TENM2: variants seen among roughly 807,000 people sequenced by gnomAD.
TENM2 encodes the protein teneurin transmembrane protein 2, also known as teneurin-2.
In TENM2, 52 loss-of-function variants were observed where a neutral mutation model predicts 245.2. That is an observed-to-expected ratio of 0.21 (90% CI 0.17 to 0.27). The LOEUF (loss-of-function observed/expected upper bound fraction) is 0.27. TENM2 is among the 10% of genes least tolerant of loss of function. The pLI is 1.00. For missense variants in TENM2, 3,046 were observed against 3,666.8 expected (o/e 0.83, Z 4.37); for synonymous variants, 1,363 against 1,438.9 (o/e 0.95, Z 1.19).
At chr5:168,225,536 G>A (rs1318724140) in intron 23 of TENM2, among the ~76,000 whole-genome samples, 2 of 152,150 alleles carry the variant, frequency 1.3e-5, no homozygotes, top group African/African-American at 4.8e-5. Flanking sequence ...CAAGGCAGGT[G>A]GATCACCTGA....
intron 2 of TENM2, among the ~76,000 whole-genome samples, chr5:167,578,524 A>G (rs1008892408): frequency 1.3e-5 from 2 of 152,194 alleles, no homozygotes; most frequent in African/African-American, 4.8e-5. Context: ...TTCATAAGAA[A>G]AACCTTCACC....
chr5:167,451,314 A>G (rs191078638), intron 2 of TENM2, among the ~76,000 whole-genome samples: 5 of 152,288 alleles, frequency 3.3e-5, no homozygotes, highest in Admixed American at 3.3e-4. Context: ...CATGGTTTCA[A>G]TTACAGTTTT....
Position 167,457,355 on chromosome 5 carries a change from A to T in TENM2, c.502+81882A>T, listed in dbSNP as rs188416899. On this transcript the variant is annotated intron_variant, in intron 2 of 28. Coordinates refer to ENST00000518659, the Ensembl canonical transcript of TENM2. ...TTATTTTATTTTATTTTATTTTTAG[A>T]CAGTTTCGCTCTTGTTGCCCAGGCT... is the stretch of plus-strand genomic sequence containing the variant. Among the ~76,000 whole-genome samples the T allele has an allele frequency of 1.5e-4, 18 of 123,420 alleles. No homozygotes were observed. The East Asian group carries it at 2.6e-3, about 18-fold the overall frequency. 81.0% of individuals were successfully genotyped at this position (123,420 alleles called of 152,430 possible).
At chr5:167,719,604 A>T (rs1759490309) in intron 2 of TENM2, among the ~76,000 whole-genome samples, 1 of 152,258 alleles carries the variant, frequency 6.6e-6, no homozygotes, top group African/African-American at 2.4e-5. Context: ...AGTTAGGACT[A>T]ATGGACAGAA....
the TENM2 span, among the ~76,000 whole-genome samples, chr5:166,981,653 T>G: frequency 6.6e-6 from 1 of 152,182 alleles, no homozygotes; most frequent in Non-Finnish European, 1.5e-5. Flanking sequence ...ATGTAACATA[T>G]TCAGATCATG....
chr5:167,065,285 T>C, the TENM2 span, among the ~76,000 whole-genome samples: 3 of 152,352 alleles, frequency 2.0e-5, no homozygotes, highest in South Asian at 6.2e-4. Context: ...TTGATCTATT[T>C]AATGATTGTA....
intron 25 of TENM2, among the ~76,000 whole-genome samples, chr5:168,240,424 T>C (rs1296282176): frequency 1.3e-5 from 2 of 152,166 alleles, no homozygotes; most frequent in Admixed American, 6.5e-5. Flanking sequence ...TGTATGGGGA[T>C]CCTAGCTCTA....
intron 3 of TENM2, among the ~76,000 whole-genome samples, chr5:167,884,233 A>G (rs555547253): frequency 1.3e-5 from 2 of 152,328 alleles, no homozygotes; most frequent in African/African-American, 4.8e-5. Context: ...TTAACAAACA[A>G]TGTTCTATTG....
At chr5:168,019,952 A>G (rs182077258) in intron 5 of TENM2, among the ~76,000 whole-genome samples, 25 of 152,368 alleles carry the variant, frequency 1.6e-4, no homozygotes, top group African/African-American at 5.8e-4. Context: ...AGCAAGGAAC[A>G]GTGGAACTAC....
chr5:167,910,925 A>T (rs1015418655), intron 3 of TENM2, among the ~76,000 whole-genome samples: 5 of 152,226 alleles, frequency 3.3e-5, no homozygotes, highest in Middle Eastern at 6.3e-3. Context: ...TGCTAAATTG[A>T]GGACTATACA....
chr5:167,312,549 A>G (rs1756099288), intron 1 of TENM2, among the ~76,000 whole-genome samples: 1 of 152,180 alleles, frequency 6.6e-6, no homozygotes, highest in Non-Finnish European at 1.5e-5. Flanking sequence ...CTTTCTGCCT[A>G]TACAACAAAT....
chr5:167,361,335 C>T (rs1275360565), intron 1 of TENM2, among the ~76,000 whole-genome samples: 2 of 152,066 alleles, frequency 1.3e-5, no homozygotes, highest in East Asian at 1.9e-4. Flanking sequence ...ATTCTTCTCC[C>T]TCCATCTCCA....
intron 2 of TENM2, among the ~76,000 whole-genome samples, chr5:167,490,321 TCTTC>T (rs1219803442): frequency 2.0e-5 from 3 of 152,060 alleles, no homozygotes; most frequent in African/African-American, 7.2e-5. Context: ...GACAGAAGAG[TCTTC>T]CTTATTTTTA....
chr5:168,240,175 G>A (rs770485986), intron 25 of TENM2, among the ~76,000 whole-genome samples: 11 of 152,294 alleles, frequency 7.2e-5, no homozygotes, highest in South Asian at 2.1e-4. Flanking sequence ...AGCCGAGATC[G>A]TGCCACTGCA....
chr5:167,052,975 A>G, the TENM2 span, among the ~76,000 whole-genome samples: 4 of 152,096 alleles, frequency 2.6e-5, no homozygotes, highest in Non-Finnish European at 5.9e-5. Context: ...GCCACTTAAA[A>G]TTCTCCAGTC....
rs1236610901 is a variant in TENM2, at chr5:168,158,825, G to A, written c.2423-3786G>A. Among the ~76,000 whole-genome samples, 224 of 83,990 alleles carry A rather than the reference G, an allele frequency of 2.7e-3. 1 individual carries two copies. The highest frequency in any genetic ancestry group is 8.0e-3 in the African/African-American group (171 of 21,264). The allele number at this position is 83,990 out of a possible 152,430, so 55.1% of individuals were successfully genotyped here. On this transcript the variant is annotated intron_variant, in intron 12 of 28. Transcript: ENST00000518659. ...AAAAAAAATGTGTGTGTGTGTGTGT[G>A]TGTGTATATATATATATATATATAT...
chr5:167,052,308 A>G, the TENM2 span, among the ~76,000 whole-genome samples: 3 of 152,122 alleles, frequency 2.0e-5, no homozygotes, highest in African/African-American at 7.2e-5. Flanking sequence ...TTTACTATTA[A>G]TAATATTCAG....
chr5:167,227,892 T>C, the TENM2 span, among the ~76,000 whole-genome samples: 1 of 152,228 alleles, frequency 6.6e-6, no homozygotes, highest in Admixed American at 6.5e-5. Context: ...CAGTAATTTG[T>C]ACACTTAGTT....
chr5:166,981,680 A>T, the TENM2 span, among the ~76,000 whole-genome samples: 3 of 152,196 alleles, frequency 2.0e-5, no homozygotes, highest in Non-Finnish European at 2.9e-5. Context: ...TTTATGAAAC[A>T]TCAAAATTAG....
Sources: gnomAD v4.1 joint callset for allele counts (sites outside exome capture counted in the v4.1 genomes callset) on GRCh38, gnomAD v4.1.1 for gene constraint, MANE v1.5 for transcripts, NCBI Gene and HGNC (gene_info 2026-07-23, HGNC 2026-07-21) for gene names.